SLC35B3: variants seen among roughly 807,000 people sequenced by gnomAD.
The protein encoded by SLC35B3 is solute carrier family 35 member B3, also known as adenosine 3'-phospho 5'-phosphosulfate transporter 2.
Under a neutral mutation model 44.1 loss-of-function variants are expected in SLC35B3, and 35 were observed. That is an observed-to-expected ratio of 0.79 (90% confidence interval 0.61 to 1.05). SLC35B3 has a LOEUF of 1.05. SLC35B3 is among the 50% of genes least tolerant of loss of function. The probability of loss-of-function intolerance (pLI) is 0.00; values close to 1 mark genes in which losing one functional copy is unlikely to be tolerated. For missense variants in SLC35B3, 414 were observed against 476.4 expected (o/e 0.87, Z 1.22); for synonymous variants, 146 against 167.3 (o/e 0.87, Z 0.98).
rs1375046385 is a variant in SLC35B3, at chr6:8,419,572, G to A, written c.780+8C>T. On this transcript the variant is annotated splice_region_variant and intron_variant, in intron 7 of 10. Transcript: ENST00000644923. The surrounding 1 kb of genome is among the most constrained non-coding windows in gnomAD (Gnocchi z 4.3). ...TCTAATTTGAAGAAAAAACACTAGA[G>A]TATTTACCATTTCAGAATTAGAAGC... 2 of 1,417,318 alleles carry A rather than the reference G, an allele frequency of 1.4e-6. No individual in the cohort carries two copies. Among genetic ancestry groups the A allele is most frequent in the African/African-American group, 1.4e-5 (1 of 69,894 alleles). The allele number at this position is 1,417,318 out of a possible 1,614,324, so 87.8% of individuals were successfully genotyped here.
In SLC35B3 at chr6:8,420,867, T is replaced by G. The variant is rs1349398386; in HGVS notation, c.575-39A>C. The G allele has an allele frequency of 6.8e-7, 1 of 1,465,404 alleles. No individual in the cohort carries two copies. 90.8% of individuals were successfully genotyped at this position (1,465,404 alleles called of 1,614,324 possible). On this transcript the variant is annotated intron_variant, in intron 5 of 10. Transcript: ENST00000644923. This position sits in a 1 kb window ranked among gnomAD's most constrained non-coding sequence, Gnocchi z 4.4. ...ACGTAAGTCCACTTCATTATGCAAATACCCACCCAGCTTTATATTTGCTCT... is the reference window on the plus strand; with the variant it reads ...ACGTAAGTCCACTTCATTATGCAAAGACCCACCCAGCTTTATATTTGCTCT...
intron 5 of SLC35B3, among the ~76,000 whole-genome samples, chr6:8,421,832 A>G (rs990256606): frequency 6.6e-6 from 1 of 152,228 alleles, no homozygotes; most frequent in Non-Finnish European, 1.5e-5. Flanking sequence ...AAGGAACTGA[A>G]AAAAGGGACC....
chr6:8,419,713 C>G lies in SLC35B3; in HGVS notation c.683-36G>C. On this transcript the variant is annotated intron_variant, in intron 6 of 10. Coordinates refer to ENST00000644923, the MANE Select transcript of SLC35B3 (RefSeq NM_001370476.2). This position sits in a 1 kb window ranked among gnomAD's most constrained non-coding sequence, Gnocchi z 4.3. ...GTATTAAAAAAACAAACAAAAAAAC[C>G]CTCCTTATTTAAACATATGAACTAT... is the stretch of plus-strand genomic sequence containing the variant. 8.1e-7 allele frequency: 1 copy of G among 1,230,304 alleles called. No homozygotes were observed. The allele number at this position is 1,230,304 out of a possible 1,614,324, so 76.2% of individuals were successfully genotyped here. A position where few individuals can be genotyped will look rare whatever the true frequency, so the allele number is the denominator to read the frequency against.
Position 8,419,024 on chromosome 6 carries a change from G to T in SLC35B3, c.780+556C>A. Reference sequence around the variant, plus strand: ...CCACACAAGAGTGTGATATGATAAAGAGGGCATTTAAAATGAGCTGAAAGT... The same window carrying T: ...CCACACAAGAGTGTGATATGATAAATAGGGCATTTAAAATGAGCTGAAAGT... On this transcript the variant is annotated intron_variant, in intron 7 of 10. Transcript: ENST00000644923. The surrounding 1 kb of genome is among the most constrained non-coding windows in gnomAD (Gnocchi z 4.3). The T allele has an allele frequency of 6.5e-6, 1 of 153,606 alleles. No individual in the cohort carries two copies. The highest frequency in any genetic ancestry group is 1.9e-4 in the East Asian group (1 of 5,198). 9.5% of individuals were successfully genotyped at this position (153,606 alleles called of 1,614,324 possible).
At chr6:8,423,288 C>A (rs946197112) in intron 4 of SLC35B3, among the ~76,000 whole-genome samples, 1 of 152,062 alleles carries the variant, frequency 6.6e-6, no homozygotes, top group African/African-American at 2.4e-5. Context: ...CTAAAATAAC[C>A]CAAGATTTTC....
In SLC35B3 at chr6:8,419,622, T is replaced by C. The variant is rs1470095673; in HGVS notation, c.738A>G (p.Gln246=). 2.5e-6 allele frequency: 4 copies of C among 1,571,702 alleles called. No homozygotes were observed. The highest frequency in any genetic ancestry group is 2.3e-5 in the East Asian group (1 of 43,694). ...CATTATGAAGTTTCATAGCTTTCTC[T>C]TGAACATTTCCAATGACGGCATCTG... Residue 246 remains glutamine (Q), a synonymous_variant, in exon 7 of 11, where the codon CAA becomes CAG. Transcript: ENST00000644923. The surrounding 1 kb of genome is among the most constrained non-coding windows in gnomAD (Gnocchi z 4.3).
chr6:8,426,960 T>C (rs1763472672), intron 4 of SLC35B3, among the ~76,000 whole-genome samples: 4 of 152,124 alleles, frequency 2.6e-5, no homozygotes, highest in Admixed American at 2.6e-4. Flanking sequence ...AAGGTGACTC[T>C]TGTTATGTTT....
intron 4 of SLC35B3, among the ~76,000 whole-genome samples, 197 bp from the exon 4 acceptor site, chr6:8,422,821 CTTTA>C (rs996091436): frequency 1.3e-5 from 2 of 151,728 alleles, no homozygotes; most frequent in African/African-American, 2.4e-5. Flanking sequence ...AACAATTTAC[CTTTA>C]TTTAGTCAAT....
chr6:8,417,020 A>C (rs1762472551), intron 8 of SLC35B3, 25 bp from the exon 8 acceptor site: 1 of 1,333,616 alleles, frequency 7.5e-7, no homozygotes. Flanking sequence ...AAAGCCTGTT[A>C]GAAAAATGTA....
At position 8,435,222 on chromosome 6, in the gene SLC35B3, C is replaced by T. The variant is rs186759554; in HGVS notation, c.-44+121G>A. ...AAAGGGAATCACCCGTTTCTTCCAT[C>T]CCGACCTCATCCATTCCTCGAACGC... On this transcript the variant is annotated intron_variant, in intron 1 of 10. Transcript: ENST00000644923. This position sits in a 1 kb window ranked among gnomAD's most constrained non-coding sequence, Gnocchi z 5.5. 63 of 1,289,144 alleles carry T rather than the reference C, an allele frequency of 4.9e-5. No homozygotes were observed. The highest frequency in any genetic ancestry group is 6.2e-5 in the Non-Finnish European group (61 of 988,860). The allele number at this position is 1,289,144 out of a possible 1,614,324, so 79.9% of individuals were successfully genotyped here.
In SLC35B3 at chr6:8,417,441, G is replaced by A. The variant is rs1367908394; in HGVS notation, c.834C>T (p.Cys278=). The A allele has an allele frequency of 3.1e-6, 5 of 1,606,520 alleles. No individual in the cohort carries two copies. The highest frequency in any genetic ancestry group is 1.7e-5 in the Admixed American group (1 of 58,592). The change falls in exon 8 of 11, where the codon TGC becomes TGT. Residue 278 remains cysteine (C), a synonymous_variant. Transcript: ENST00000644923. ...TTACTGCAGGGCCTAATCCACTAGT[G>A]CATGTCAATCCCAGTAAAATGTATA...
rs901718573 is a variant in SLC35B3 at position 8,432,495 on chromosome 6, T to C, written c.3+1890A>G. ...TGTAATGACTCAATACAATTATAGGTAATAGTATAAGAAAGCAGTATAGCA... is the reference window on the plus strand; with the variant it reads ...TGTAATGACTCAATACAATTATAGGCAATAGTATAAGAAAGCAGTATAGCA... On this transcript the variant is annotated intron_variant, in intron 2 of 10. Coordinates refer to ENST00000644923, the MANE Select transcript of SLC35B3 (RefSeq NM_001370476.2). The surrounding 1 kb of genome is among the most constrained non-coding windows in gnomAD (Gnocchi z 4.8). Among the ~76,000 whole-genome samples, 9 of 152,068 alleles carry C rather than the reference T, an allele frequency of 5.9e-5. No individual in the cohort carries two copies. The East Asian group carries it at 1.2e-3, about 20-fold the overall frequency.
At chr6:8,427,853 G>A (rs1227026770) in intron 4 of SLC35B3, 84 bp downstream of exon 3, 8 of 1,191,014 alleles carry the variant, frequency 6.7e-6, no homozygotes, top group Middle Eastern at 2.1e-4. Flanking sequence ...TTTGTTAATA[G>A]AAGTATAAAT....
At chr6:8,430,538 C>T (rs1180632035) in intron 2 of SLC35B3, among the ~76,000 whole-genome samples, 1 of 151,998 alleles carries the variant, frequency 6.6e-6, no homozygotes, top group African/African-American at 2.4e-5. Context: ...CCTTTAAATA[C>T]TAAGACAATT....
intron 4 of SLC35B3, among the ~76,000 whole-genome samples, chr6:8,424,814 C>A (rs1309951635): frequency 6.6e-6 from 1 of 152,126 alleles, no homozygotes. Flanking sequence ...AGTGCCAAGA[C>A]CCAAACCCAT....
chr6:8,430,877 G>C (rs752074102), intron 2 of SLC35B3, among the ~76,000 whole-genome samples: 1 of 151,274 alleles, frequency 6.6e-6, no homozygotes, highest in Non-Finnish European at 1.5e-5. Context: ...CAGCCTGGGC[G>C]ACAGAGCCAG....
chr6:8,423,972 A>G (rs1020613881), intron 4 of SLC35B3, among the ~76,000 whole-genome samples: 2 of 152,226 alleles, frequency 1.3e-5, no homozygotes, highest in African/African-American at 4.8e-5. Flanking sequence ...TTTCTCAAAG[A>G]TAAATGGCAA....
chr6:8,421,965 A>G (rs1762929506), intron 5 of SLC35B3, among the ~76,000 whole-genome samples: 1 of 151,998 alleles, frequency 6.6e-6, no homozygotes, highest in Admixed American at 6.6e-5. Context: ...AGTCCAAATT[A>G]CTGACTTCAG....
rs188801111 is a variant in SLC35B3, at chr6:8,412,823, G to A, written c.*726C>T. Among the ~76,000 whole-genome samples, 3 of 152,232 alleles carry A rather than the reference G, an allele frequency of 2.0e-5. No homozygotes were observed. The East Asian group carries it at 5.8e-4, about 29-fold the overall frequency. On this transcript the variant is annotated 3_prime_UTR_variant, in exon 11 of 11. Coordinates refer to ENST00000644923, the MANE Select transcript of SLC35B3 (RefSeq NM_001370476.2). ...GTTCCCGCTGCTATGAGAATCTAAC[G>A]CTGCTGCTGATCTGACAGGAAGTGG... is the stretch of plus-strand genomic sequence containing the variant.
Sources: gnomAD v4.1 joint callset for allele counts (sites outside exome capture counted in the v4.1 genomes callset) on GRCh38, gnomAD v4.1.1 for gene constraint, Gnocchi (gnomAD v3.1) non-coding constraint, MANE v1.5 for transcripts, NCBI Gene and HGNC (gene_info 2026-07-23, HGNC 2026-07-21) for gene names.